The following SLC39A11 variants were observed in gnomAD, a reference collection of about 807,000 sequenced individuals.
SLC39A11 encodes zinc transporter ZIP11.
In SLC39A11, 33 loss-of-function variants were observed where a neutral mutation model predicts 36.1. The ratio of observed to expected loss-of-function variants is 0.91; its 90% CI spans 0.69 to 1.22. The LOEUF (loss-of-function observed/expected upper bound fraction) is 1.22, where lower values mean the gene tolerates loss of function less well. Among genes scored for constraint, SLC39A11 ranks in the 50% most tolerant of loss-of-function variants. SLC39A11 has a pLI of 0.00. For synonymous variants in SLC39A11, 166 were observed against 170.3 expected (o/e 0.97, Z 0.20); for missense variants, 432 against 430.3 (o/e 1.00, Z -0.03).
At chr17:72,900,169 G>GAAAGAAAA (rs2082295142) in intron 5 of SLC39A11, among the ~76,000 whole-genome samples, 1 of 118,242 alleles carries the variant, frequency 8.5e-6, no homozygotes, top group Admixed American at 8.3e-5. Context: ...AAGAAAGAAA[G>GAAAGAAAA]AAAGAAAGAA....
intron 3 of SLC39A11, among the ~76,000 whole-genome samples, chr17:73,042,630 A>C (rs1315283001): frequency 3.9e-5 from 6 of 152,118 alleles, no homozygotes; most frequent in Non-Finnish European, 7.4e-5. Flanking sequence ...GTGAAACCCC[A>C]TCTCTACTAA....
chr17:72,822,723 CTTTCT>C (rs993808687), intron 6 of SLC39A11, among the ~76,000 whole-genome samples: 1 of 150,648 alleles, frequency 6.6e-6, no homozygotes, highest in African/African-American at 2.4e-5. Context: ...TTTTTTCTTT[CTTTCT>C]TTTCTTTCTT....
At chr17:72,860,452 C>T (rs2079919385) in intron 5 of SLC39A11, among the ~76,000 whole-genome samples, 1 of 152,146 alleles carries the variant, frequency 6.6e-6, no homozygotes, top group South Asian at 2.1e-4. Context: ...AAGTTGGGCA[C>T]AGTTTATGAG....
In SLC39A11 at chr17:72,691,905, T is replaced by C. The variant is rs16977325; in HGVS notation, c.672-42637A>G. 8.0e-3 allele frequency among the ~76,000 whole-genome samples: 1,213 copies of C among 152,288 alleles called. 24 individuals carry two copies. Among genetic ancestry groups the C allele is most frequent in the African/African-American group, 0.027 (1,133 of 41,552 alleles). ...AGCACTATATAGGATATGTGACCTC[T>C]GTCCTTGAGGAATCAGGAGACAGGA... is the stretch of plus-strand genomic sequence containing the variant. On this transcript the variant is annotated intron_variant, in intron 7 of 9. Coordinates refer to ENST00000255559, the MANE Select transcript of SLC39A11 (RefSeq NM_139177.4).
In SLC39A11 at chr17:73,047,291, T is replaced by TG. The variant is rs542961100; in HGVS notation, c.148-15578dup. Among the ~76,000 whole-genome samples the TG allele has an allele frequency of 3.9e-5, 6 of 152,182 alleles. 1 individual carries two copies. The South Asian group carries it at 1.2e-3, about 32-fold the overall frequency. The stretch of plus-strand genomic sequence containing the variant: ...CGCCCGCCTCGGCCTCCCAAAGTGC[T>TG]GGGATTACAGGCGTGAGCCACCGCG... On this transcript the variant is annotated intron_variant, in intron 3 of 9. Transcript: ENST00000255559.
intron 6 of SLC39A11, among the ~76,000 whole-genome samples, chr17:72,843,181 C>T (rs2078896761): frequency 6.6e-6 from 1 of 152,250 alleles, no homozygotes; most frequent in East Asian, 1.9e-4. Context: ...ATCTCCTGAC[C>T]TCGTGATCTG....
intron 6 of SLC39A11, among the ~76,000 whole-genome samples, chr17:72,761,272 G>A (rs371685733): frequency 3.3e-5 from 5 of 151,978 alleles, no homozygotes; most frequent in Non-Finnish European, 5.9e-5. Flanking sequence ...CCGCCACCAC[G>A]CCTGGCTAAT....
intron 7 of SLC39A11, among the ~76,000 whole-genome samples, chr17:72,672,093 A>C (rs904152409): frequency 6.6e-6 from 1 of 152,228 alleles, no homozygotes; most frequent in Admixed American, 6.5e-5. Flanking sequence ...TGGATATGCT[A>C]ACAAATTTGA....
intron 6 of SLC39A11, among the ~76,000 whole-genome samples, chr17:72,836,157 C>T (rs1273544769): frequency 6.6e-6 from 1 of 152,206 alleles, no homozygotes; most frequent in Non-Finnish European, 1.5e-5. Flanking sequence ...CGTGGTGCTG[C>T]AGACATTAAC....
In SLC39A11 at chr17:72,849,689, G is replaced by A. The variant is rs2145996654; in HGVS notation, c.546C>T (p.Ser182=). 6.2e-7 allele frequency: 1 copy of A among 1,609,040 alleles called. No individual in the cohort carries two copies. The highest frequency in any genetic ancestry group is 2.2e-5 in the East Asian group (1 of 44,658). The change falls in exon 6 of 10, where the codon AGC becomes AGT. Residue 182 remains serine, a synonymous_variant. Coordinates refer to ENST00000255559, the MANE Select transcript of SLC39A11 (RefSeq NM_139177.4). The part of the protein sequence containing the change: ...SRGNLAQPGG[S]SWRRIALLIL... Reference sequence around the variant, plus strand: ...TGAGCAGTGCGATCCTCCTCCAGCTGCTGCCGCCGGGCTGTGCCAGATTCC... The same window carrying A: ...TGAGCAGTGCGATCCTCCTCCAGCTACTGCCGCCGGGCTGTGCCAGATTCC...
chr17:72,988,448 G>A (rs1472609839), intron 4 of SLC39A11, among the ~76,000 whole-genome samples: 1 of 152,122 alleles, frequency 6.6e-6, no homozygotes, highest in Non-Finnish European at 1.5e-5. Flanking sequence ...GTGACAGAGC[G>A]AGAACTTGTC....
At chr17:72,953,167 G>A (rs2085990700) in intron 4 of SLC39A11, among the ~76,000 whole-genome samples, 1 of 151,940 alleles carries the variant, frequency 6.6e-6, no homozygotes, top group South Asian at 2.1e-4. Context: ...CACGGAACTT[G>A]AGACTCCTGT....
At chr17:72,665,263 CCT>C (rs1159023552) in intron 7 of SLC39A11, among the ~76,000 whole-genome samples, 1 of 152,038 alleles carries the variant, frequency 6.6e-6, no homozygotes, top group Non-Finnish European at 1.5e-5. Context: ...CCCCAGCTGA[CCT>C]CTCTTGATTG....
chr17:72,772,786 AAG>A (rs1331965393), intron 6 of SLC39A11, among the ~76,000 whole-genome samples: 1 of 152,164 alleles, frequency 6.6e-6, no homozygotes, highest in Non-Finnish European at 1.5e-5. Context: ...GGAGAGAGGA[AAG>A]AGAGAAATGC....
At chr17:72,778,860 C>T (rs1004158468) in intron 6 of SLC39A11, among the ~76,000 whole-genome samples, 2 of 152,162 alleles carry the variant, frequency 1.3e-5, no homozygotes, top group Non-Finnish European at 2.9e-5. Context: ...TCTTAGAATT[C>T]GGCAGAGACT....
At chr17:72,768,328 G>A (rs766512426) in intron 6 of SLC39A11, among the ~76,000 whole-genome samples, 2 of 152,220 alleles carry the variant, frequency 1.3e-5, no homozygotes, top group East Asian at 3.8e-4. Context: ...AATGTCTTCT[G>A]AAGTTAGCTC....
chr17:72,668,188 G>A (rs909508819), intron 7 of SLC39A11, among the ~76,000 whole-genome samples: 1 of 143,650 alleles, frequency 7.0e-6, no homozygotes, highest in East Asian at 2.1e-4. Context: ...TATTAATGCT[G>A]TTTAAGAATC....
At chr17:72,769,091 A>C (rs1384413310) in intron 6 of SLC39A11, among the ~76,000 whole-genome samples, 2 of 152,074 alleles carry the variant, frequency 1.3e-5, no homozygotes, top group Admixed American at 1.3e-4. Context: ...CATTTAACAA[A>C]CGACTTCCCC....
At chr17:72,706,072 T>G (rs528500402) in intron 7 of SLC39A11, among the ~76,000 whole-genome samples, 16 of 152,304 alleles carry the variant, frequency 1.1e-4, no homozygotes, top group African/African-American at 3.6e-4. Context: ...ACTGGCCAGA[T>G]GGAGCCTCAG....
Sources: allele counts gnomAD v4.1 joint callset (sites outside exome capture counted in the v4.1 genomes callset), GRCh38; gene constraint gnomAD v4.1.1; transcripts MANE v1.5; gene names NCBI Gene and HGNC (gene_info 2026-07-23, HGNC 2026-07-21).